Variants in DENND1A observed in about 807,000 individuals in gnomAD.
DENND1A encodes the protein DENN domain-containing protein 1A.
DENND1A carries 51 observed loss-of-function variants against 113.7 expected under a neutral mutation model. The ratio of observed to expected loss-of-function variants is 0.45; its 90% confidence interval spans 0.36 to 0.57. DENND1A has a LOEUF of 0.57. Ranked by LOEUF, DENND1A falls within the 20% of genes least tolerant of loss-of-function variation. The pLI is 0.00. For synonymous variants in DENND1A, 565 were observed against 570.8 expected, an observed-to-expected ratio of 0.99 and a Z score of 0.14; for missense variants, 1,258 against 1,395.9, an observed-to-expected ratio of 0.90 and a Z score of 1.57.
At chr9:123,915,773 T>C (rs1854985223) in intron 1 of DENND1A, among the ~76,000 whole-genome samples, 1 of 152,100 alleles carries the variant, frequency 6.6e-6, no homozygotes, top group African/African-American at 2.4e-5. Context: ...TAGGGAAGAA[T>C]AGGGTAGAGG....
chr9:123,806,562 A>G (rs922008873), intron 2 of DENND1A, among the ~76,000 whole-genome samples: 8 of 152,162 alleles, frequency 5.3e-5, no homozygotes, highest in African/African-American at 1.9e-4. Flanking sequence ...CAGCCCTGAC[A>G]TACTGTTAAT....
At chr9:123,532,380 C>A (rs997117585) in intron 13 of DENND1A, among the ~76,000 whole-genome samples, 1 of 152,222 alleles carries the variant, frequency 6.6e-6, no homozygotes, top group African/African-American at 2.4e-5. Flanking sequence ...CTGGATCACA[C>A]ACCACGTTCC....
intron 13 of DENND1A, among the ~76,000 whole-genome samples, chr9:123,480,667 AT>A (rs2050261371): frequency 6.6e-6 from 1 of 151,996 alleles, no homozygotes; most frequent in Non-Finnish European, 1.5e-5. Context: ...CCTCTATCCT[AT>A]TAAATAAAAG....
At chr9:123,580,454 A>G (rs2058834622) in intron 12 of DENND1A, among the ~76,000 whole-genome samples, 2 of 152,218 alleles carry the variant, frequency 1.3e-5, no homozygotes, top group African/African-American at 4.8e-5. Flanking sequence ...ATCTTTGAAG[A>G]TCTGCTTTCT....
At chr9:123,562,017 G>C (rs920406367) in intron 12 of DENND1A, among the ~76,000 whole-genome samples, 1 of 152,012 alleles carries the variant, frequency 6.6e-6, no homozygotes, top group Non-Finnish European at 1.5e-5. Flanking sequence ...TTCCTCAGTG[G>C]GCCTTCTTCT....
intron 5 of DENND1A, chr9:123,751,863 T>G (rs2131317579): frequency 6.6e-6 from 1 of 152,366 alleles, no homozygotes. Flanking sequence ...ACACTTTCCC[T>G]TATTCTCAAG....
At chr9:123,679,078 T>G (rs558559802) in intron 5 of DENND1A, among the ~76,000 whole-genome samples, 1 of 152,206 alleles carries the variant, frequency 6.6e-6, no homozygotes, top group Admixed American at 6.5e-5. Context: ...ATCCAGCCAC[T>G]GAAAGTCAGG....
chr9:123,790,920 G>T (rs1432171020), intron 3 of DENND1A, among the ~76,000 whole-genome samples: 3 of 151,994 alleles, frequency 2.0e-5, no homozygotes, highest in African/African-American at 7.2e-5. Flanking sequence ...AATAACTGAT[G>T]ATTTGTATTT....
chr9:123,576,210 C>T (rs933865955), intron 12 of DENND1A, among the ~76,000 whole-genome samples: 1 of 152,122 alleles, frequency 6.6e-6, no homozygotes, highest in Non-Finnish European at 1.5e-5. Flanking sequence ...AACGTAACAA[C>T]CTTTAAACAG....
chr9:123,666,962 A>G, intron 8 of DENND1A, 64 bp downstream of exon 8: 1 of 1,419,716 alleles, frequency 7.0e-7, no homozygotes, highest in South Asian at 1.4e-5. Context: ...TTATTTATTC[A>G]AACAAATAGG....
chr9:123,843,727 T>C (rs909424632), intron 2 of DENND1A: 4 of 154,970 alleles, frequency 2.6e-5, no homozygotes, highest in African/African-American at 4.8e-5. Flanking sequence ...ATATATTCCA[T>C]AGGGCTGTGC....
chr9:123,824,382 T>C lies in DENND1A; in HGVS notation c.89-31752A>G, dbSNP rs549056774. 1.8e-4 allele frequency among the ~76,000 whole-genome samples: 27 copies of C among 152,356 alleles called. No homozygotes were observed. The East Asian group carries it at 4.2e-3, about 24-fold the overall frequency. On this transcript the variant is annotated intron_variant, in intron 2 of 23. Coordinates refer to ENST00000394215, the MANE Select transcript of DENND1A (RefSeq NM_001352964.2). ...GTTCTCTGAAGGCGGGACAGTGGTG[T>C]TCTATTCATCTTTGTAAATTCTAAC...
intron 13 of DENND1A, among the ~76,000 whole-genome samples, chr9:123,495,141 T>TTCTCTCTCTCTC (rs56390148): frequency 0.075 from 10,539 of 140,458 alleles, 566 homozygotes; most frequent in Admixed American, 0.085. Flanking sequence ...CATTGTCTCT[T>TTCTCTCTCTCTC]TCTCTCTCTC....
intron 13 of DENND1A, among the ~76,000 whole-genome samples, chr9:123,554,232 C>T (rs4838069): frequency 0.26 from 39,119 of 152,014 alleles, 5,855 homozygotes; most frequent in African/African-American, 0.4. Context: ...ATCCGCTCAA[C>T]ATTTTTAAAA....
intron 2 of DENND1A, among the ~76,000 whole-genome samples, chr9:123,856,380 G>C (rs1259881126): frequency 2.0e-5 from 3 of 152,082 alleles, no homozygotes. Context: ...ATTGTGACAA[G>C]GGTGCCCACA....
At chr9:123,783,247 G>A (rs1019228228) in intron 3 of DENND1A, among the ~76,000 whole-genome samples, 6 of 152,120 alleles carry the variant, frequency 3.9e-5, no homozygotes, top group African/African-American at 9.7e-5. Context: ...TAAATATTCA[G>A]GAATTGTTTC....
At chr9:123,717,776 A>T (rs1166258082) in intron 5 of DENND1A, among the ~76,000 whole-genome samples, 3 of 152,212 alleles carry the variant, frequency 2.0e-5, no homozygotes, top group Non-Finnish European at 4.4e-5. Context: ...ATTTCCTCAC[A>T]GACTTTGCCA....
intron 12 of DENND1A, among the ~76,000 whole-genome samples, chr9:123,582,760 C>T (rs1215635099): frequency 9.2e-5 from 14 of 151,670 alleles, no homozygotes; most frequent in Non-Finnish European, 1.8e-4. Context: ...AGTGCAGTGG[C>T]GCAATCTCAG....
At position 123,704,169 on chromosome 9, in the gene DENND1A, C is replaced by G. The variant is rs1390039271; in HGVS notation, c.303-27380G>C. 4.6e-5 allele frequency among the ~76,000 whole-genome samples: 7 copies of G among 151,222 alleles called. No homozygotes were observed. In the East Asian group the frequency reaches 1.4e-3, roughly 29 times the overall value. On this transcript the variant is annotated intron_variant, in intron 5 of 23. Transcript: ENST00000394215. ...AATAAAATGAAAAAAAAAAATGGAA[C>G]TCAGAAAAGTAAACAAGCAATAAAG...
Sources: gnomAD v4.1 joint callset for allele counts (sites outside exome capture counted in the v4.1 genomes callset) on GRCh38, gnomAD v4.1.1 for gene constraint, MANE v1.5 for transcripts, NCBI Gene and HGNC (gene_info 2026-07-23, HGNC 2026-07-21) for gene names.